Variants in CSMD1 observed in about 807,000 individuals in gnomAD.
CSMD1 encodes the protein CUB and Sushi multiple domains 1, also known as CUB and sushi domain-containing protein 1.
Under a neutral mutation model 417.5 loss-of-function variants are expected in CSMD1, and 213 were observed. The observed-to-expected ratio is 0.51, with a 90% confidence interval of 0.46 to 0.57. The LOEUF (loss-of-function observed/expected upper bound fraction) is 0.57, where lower values mean the gene tolerates loss of function less well. CSMD1 is among the 20% of genes least tolerant of loss of function. CSMD1 has a pLI of 0.00. For synonymous variants in CSMD1, 2,862 were observed against 1,736.8 expected (o/e 1.65, Z -16.11); for missense variants, 6,923 against 4,529.7 (o/e 1.53, Z -15.17).
At chr8:4,327,728 G>A (rs895602414) in intron 3 of CSMD1, among the ~76,000 whole-genome samples, 2 of 152,138 alleles carry the variant, frequency 1.3e-5, no homozygotes, top group South Asian at 2.1e-4. Context: ...AATAACAAGA[G>A]ACCTACTGTC....
At chr8:4,415,871 G>A (rs897520706) in intron 3 of CSMD1, among the ~76,000 whole-genome samples, 1 of 152,150 alleles carries the variant, frequency 6.6e-6, no homozygotes, top group African/African-American at 2.4e-5. Context: ...TATACAAGAG[G>A]AAACAGTGAG....
At chr8:4,404,925 G>A (rs909632468) in intron 3 of CSMD1, among the ~76,000 whole-genome samples, 1 of 152,130 alleles carries the variant, frequency 6.6e-6, no homozygotes, top group African/African-American at 2.4e-5. Flanking sequence ...TATGATGTCA[G>A]TCATCCGATA....
chr8:3,035,188 C>T (rs545956382), intron 50 of CSMD1, among the ~76,000 whole-genome samples: 1 of 152,144 alleles, frequency 6.6e-6, no homozygotes, highest in African/African-American at 2.4e-5. Flanking sequence ...TTCCCTGTAC[C>T]TGCCAGCACT....
intron 5 of CSMD1, among the ~76,000 whole-genome samples, chr8:3,780,866 T>G (rs1373646307): frequency 1.3e-5 from 2 of 152,210 alleles, no homozygotes; most frequent in Non-Finnish European, 2.9e-5. Context: ...TTGGATATTT[T>G]GAGATTTGCA....
intron 1 of CSMD1, among the ~76,000 whole-genome samples, chr8:4,729,301 G>A (rs976729526): frequency 6.6e-6 from 1 of 152,100 alleles, no homozygotes; most frequent in East Asian, 1.9e-4. Flanking sequence ...TGCAGTCATC[G>A]ATGATCCACA....
intron 3 of CSMD1, among the ~76,000 whole-genome samples, chr8:4,361,494 G>C (rs553931361): frequency 4.6e-4 from 70 of 152,164 alleles, no homozygotes; most frequent in African/African-American, 1.6e-3. Context: ...CCACTTTACA[G>C]ATTAGAAGAC....
intron 12 of CSMD1, among the ~76,000 whole-genome samples, chr8:3,411,509 G>C (rs1203358636): frequency 6.6e-6 from 1 of 151,482 alleles, no homozygotes; most frequent in Non-Finnish European, 1.5e-5. Context: ...CATCCTCATA[G>C]CTTAGCTCCC....
intron 2 of CSMD1, among the ~76,000 whole-genome samples, chr8:4,567,743 C>T (rs1173685658): frequency 6.6e-6 from 1 of 152,012 alleles, no homozygotes; most frequent in Non-Finnish European, 1.5e-5. Context: ...ATGCTATCTA[C>T]ATTGCACTTA....
intron 12 of CSMD1, among the ~76,000 whole-genome samples, chr8:3,442,067 AAAAAGTAAAAAAAAAAATAC>A (rs1448032530): frequency 1.3e-5 from 2 of 152,024 alleles, no homozygotes; most frequent in Non-Finnish European, 2.9e-5. Flanking sequence ...AAAAAATTTT[AAAAAGTAAAAAAAAAAATAC>A]AAAATTAAAA....
chr8:3,191,986 A>G (rs1359153603), intron 33 of CSMD1, among the ~76,000 whole-genome samples: 1 of 152,092 alleles, frequency 6.6e-6, no homozygotes, highest in Non-Finnish European at 1.5e-5. Context: ...TTTCTGACAC[A>G]CTGGAATCTG....
intron 2 of CSMD1, among the ~76,000 whole-genome samples, chr8:4,527,569 G>A (rs561215649): frequency 2.0e-5 from 3 of 152,168 alleles, no homozygotes; most frequent in African/African-American, 4.8e-5. Context: ...GTGTTCTTTT[G>A]TACAAAGATG....
chr8:4,082,897 C>G (rs1198816657), intron 3 of CSMD1, among the ~76,000 whole-genome samples: 1 of 151,490 alleles, frequency 6.6e-6, no homozygotes. Flanking sequence ...ACTTTACTGA[C>G]AATGATTATT....
At chr8:3,506,582 G>A (rs897051672) in intron 10 of CSMD1, among the ~76,000 whole-genome samples, 11 of 151,948 alleles carry the variant, frequency 7.2e-5, no homozygotes, top group Non-Finnish European at 1.6e-4. Flanking sequence ...CTTCAACCAC[G>A]CCTCTAAATA....
chr8:3,557,604 T>A lies in CSMD1; in HGVS notation c.1344+17341A>T, dbSNP rs548976360. Among the ~76,000 whole-genome samples, 13 of 152,318 alleles carry A rather than the reference T, an allele frequency of 8.5e-5. No homozygotes were observed. In the South Asian group the frequency reaches 2.7e-3, roughly 32 times the overall value. On this transcript the variant is annotated intron_variant, in intron 10 of 69. Coordinates refer to ENST00000635120, the MANE Select transcript of CSMD1 (RefSeq NM_033225.6). ...TTGGCCCCAACAGCCTCTCACTGCT[T>A]GAGGCTTTCTTTCCTCTGCTTTGAG...
At chr8:3,555,533 A>G (rs888510414) in intron 10 of CSMD1, among the ~76,000 whole-genome samples, 3 of 152,214 alleles carry the variant, frequency 2.0e-5, no homozygotes, top group African/African-American at 4.8e-5. Context: ...AAAATTCCAC[A>G]GCTGGGTGAA....
At position 4,994,427 on chromosome 8, in the gene CSMD1, A is replaced by C; in HGVS notation, c.-11T>G. ...CCTCCACGCAGTCATGTCTGCAGAT[A>C]CTCCACACGCACGCGACACCGATGG... On this transcript the variant is annotated 5_prime_UTR_variant, in exon 1 of 70. Transcript: ENST00000635120. 2.5e-6 allele frequency: 4 copies of C among 1,609,132 alleles called. No individual in the cohort carries two copies. Among genetic ancestry groups the C allele is most frequent in the Non-Finnish European group, 3.4e-6 (4 of 1,178,344 alleles).
chr8:4,004,650 G>T (rs977868288), intron 4 of CSMD1, among the ~76,000 whole-genome samples: 9 of 152,018 alleles, frequency 5.9e-5, no homozygotes, highest in Admixed American at 2.0e-4. Context: ...CAATAAATTT[G>T]TGTATGAAAT....
intron 54 of CSMD1, among the ~76,000 whole-genome samples, chr8:2,994,688 T>C (rs983382085): frequency 2.6e-5 from 4 of 152,234 alleles, no homozygotes; most frequent in South Asian, 4.1e-4. Context: ...GTAAAGTTTT[T>C]ATAGGATCAA....
intron 12 of CSMD1, among the ~76,000 whole-genome samples, chr8:3,428,237 G>T (rs566416400): frequency 4.0e-5 from 6 of 151,854 alleles, no homozygotes; most frequent in Non-Finnish European, 8.8e-5. Context: ...TTAAACACTC[G>T]AGGAAGGGGG....
Sources: gnomAD v4.1 joint callset for allele counts (sites outside exome capture counted in the v4.1 genomes callset) on GRCh38, gnomAD v4.1.1 for gene constraint, MANE v1.5 for transcripts, NCBI Gene and HGNC (gene_info 2026-07-23, HGNC 2026-07-21) for gene names.